Variants in CUL2 observed in about 807,000 individuals in gnomAD.
CUL2 encodes the protein cullin 2, also known as cullin-2.
Under a neutral mutation model 110.2 loss-of-function variants are expected in CUL2, and 22 were observed. The ratio of observed to expected loss-of-function variants is 0.20; its 90% CI spans 0.14 to 0.28. The LOEUF is 0.28. Among genes scored for constraint, CUL2 ranks in the 10% least tolerant of loss-of-function variants. CUL2 has a pLI of 1.00. For synonymous variants in CUL2, 279 were observed against 293.2 expected (o/e 0.95, Z 0.49); for missense variants, 631 against 905.5 (o/e 0.70, Z 3.89).
intron 5 of CUL2, among the ~76,000 whole-genome samples, chr10:35,053,502 A>G (rs2086164334): frequency 6.6e-6 from 1 of 152,222 alleles, no homozygotes; most frequent in African/African-American, 2.4e-5. Flanking sequence ...TTATTGCTGA[A>G]TGTTGGATGC....
intron 1 of CUL2, among the ~76,000 whole-genome samples, chr10:35,109,408 G>A (rs2087501691): frequency 6.6e-6 from 1 of 152,122 alleles, no homozygotes; most frequent in Non-Finnish European, 1.5e-5. Context: ...AATATTTGTA[G>A]GGTCCTTTTC....
chr10:35,071,205 C>T lies in CUL2; in HGVS notation c.113G>A (p.Arg38His), dbSNP rs2086669110. The T allele has an allele frequency of 6.2e-7, 1 of 1,612,928 alleles. No individual in the cohort carries two copies. Among genetic ancestry groups the T allele is most frequent in the Non-Finnish European group, 8.5e-7 (1 of 1,179,554 alleles). The change falls in exon 2 of 21, where the codon CGT becomes CAT. Residue 38 changes from arginine (R) to histidine (H), a missense_variant. Arg to His is a conservative substitution (Grantham distance 29, BLOSUM62 0). Around this residue, in one of 3 missense-constraint regions of CUL2, gnomAD observed 338 missense variants for 442.5 expected, o/e 0.76. Coordinates refer to ENST00000374749, the MANE Select transcript of CUL2 (RefSeq NM_003591.4). ...GCTGCCATTAAAAGGATACGAGAAA[C>T]GGTCATTCCATGTTGCTCTTTCGAC... The part of the protein sequence containing the change: ...EYVERATWND[R>H]FSDIYALCVA...
intron 7 of CUL2, 25 bp from the exon 8 acceptor site, chr10:35,044,701 T>C (rs1366537456): frequency 6.3e-7 from 1 of 1,577,306 alleles, no homozygotes; most frequent in East Asian, 2.2e-5. Context: ...TACATCATAT[T>C]AGAAGAAATT....
intron 1 of CUL2, among the ~76,000 whole-genome samples, chr10:35,088,993 T>A (rs1342686227): frequency 6.6e-6 from 1 of 152,176 alleles, no homozygotes; most frequent in African/African-American, 2.4e-5. Flanking sequence ...CTGGCCAACA[T>A]GGTGAAACCC....
chr10:35,119,080 C>T (rs562232875), intron 1 of CUL2, among the ~76,000 whole-genome samples: 6 of 152,178 alleles, frequency 3.9e-5, no homozygotes, highest in South Asian at 2.1e-4. Flanking sequence ...ATGCTCCTTG[C>T]GTGTTCCTTT....
chr10:35,071,398 T>C, intron 1 of CUL2, 59 bp from the exon 2 acceptor site: 2 of 1,445,504 alleles, frequency 1.4e-6, no homozygotes, highest in Admixed American at 1.9e-5. Context: ...AGTTTTTTTG[T>C]TGTTGTTTTT....
chr10:35,110,401 A>G (rs1243693489), intron 1 of CUL2, among the ~76,000 whole-genome samples: 3 of 151,748 alleles, frequency 2.0e-5, no homozygotes, highest in Non-Finnish European at 4.4e-5. Context: ...TGTCTCTACC[A>G]AAAAAATACA....
chr10:35,073,242 G>A (rs574151334), intron 1 of CUL2, among the ~76,000 whole-genome samples: 6 of 152,176 alleles, frequency 3.9e-5, no homozygotes, highest in South Asian at 4.1e-4. Context: ...GATTAGCAGC[G>A]ATTTTACTCT....
intron 1 of CUL2, among the ~76,000 whole-genome samples, chr10:35,103,434 C>G (rs562550564): frequency 1.1e-4 from 17 of 150,896 alleles, no homozygotes; most frequent in South Asian, 6.3e-4. Flanking sequence ...ACGCCATTCT[C>G]CTGCCTCAGC....
chr10:35,027,120 A>G (rs961810163), intron 16 of CUL2, among the ~76,000 whole-genome samples: 14 of 151,006 alleles, frequency 9.3e-5, no homozygotes, highest in Non-Finnish European at 2.1e-4. Context: ...AGATAGCTAC[A>G]TTAATATACA....
At chr10:35,116,808 A>G (rs1465873023) in intron 1 of CUL2, among the ~76,000 whole-genome samples, 2 of 151,984 alleles carry the variant, frequency 1.3e-5, no homozygotes, top group African/African-American at 2.4e-5. Flanking sequence ...ATACAAAAGA[A>G]TAGCTGGGCG....
intron 17 of CUL2, among the ~76,000 whole-genome samples, chr10:35,021,456 T>C (rs75059137): frequency 6.6e-6 from 1 of 150,560 alleles, no homozygotes; most frequent in South Asian, 2.1e-4. Context: ...CACACACACA[T>C]ACATACACAC....
At chr10:35,068,349 G>C (rs986375936) in intron 2 of CUL2, among the ~76,000 whole-genome samples, 1 of 152,136 alleles carries the variant, frequency 6.6e-6, no homozygotes, top group African/African-American at 2.4e-5. Context: ...TTGAACCTGG[G>C]AGGTGGAGGC....
At chr10:35,068,491 G>A (rs1052793762) in intron 2 of CUL2, among the ~76,000 whole-genome samples, 7 of 152,170 alleles carry the variant, frequency 4.6e-5, no homozygotes, top group Non-Finnish European at 1.0e-4. Flanking sequence ...CTAGAGAAAC[G>A]GGTGGGATTG....
chr10:35,116,272 G>A (rs1392868089), intron 1 of CUL2, among the ~76,000 whole-genome samples: 2 of 152,118 alleles, frequency 1.3e-5, no homozygotes, highest in Non-Finnish European at 2.9e-5. Flanking sequence ...GAACCTGGGA[G>A]GTGGAGGTTG....
At chr10:35,068,892 A>G (rs2086607608) in intron 2 of CUL2, among the ~76,000 whole-genome samples, 1 of 152,080 alleles carries the variant, frequency 6.6e-6, no homozygotes, top group Non-Finnish European at 1.5e-5. Flanking sequence ...TTTGAAACGG[A>G]GCCTTGCTCT....
At chr10:35,032,286 C>T (rs2085498204) in intron 12 of CUL2, 149 bp downstream of exon 12, 3 of 647,032 alleles carry the variant, frequency 4.6e-6, no homozygotes, top group Non-Finnish European at 7.7e-6. Flanking sequence ...GCATTCCTTA[C>T]ATAAATGCCA....
At chr10:35,067,496 T>C (rs560071888) in intron 2 of CUL2, among the ~76,000 whole-genome samples, 37 of 152,192 alleles carry the variant, frequency 2.4e-4, no homozygotes, top group Admixed American at 5.2e-4. Context: ...ATACCTATAA[T>C]CTCAGAACTT....
chr10:35,074,279 A>C (rs1449460210), intron 1 of CUL2: 35 of 1,315,424 alleles, frequency 2.7e-5, no homozygotes, highest in Non-Finnish European at 3.5e-5. Context: ...TTTGGGCTCA[A>C]CTGCAACATG....
Sources: gnomAD v4.1 joint callset for allele counts (sites outside exome capture counted in the v4.1 genomes callset) on GRCh38, gnomAD v4.1.1 for gene constraint, gnomAD v4.1.1 regional missense constraint, MANE v1.5 for transcripts, NCBI Gene and HGNC (gene_info 2026-07-23, HGNC 2026-07-21) for gene names.